The following VAV2 variants were observed in gnomAD, a reference collection of about 807,000 sequenced individuals.
VAV2 encodes the protein guanine nucleotide exchange factor VAV2.
Under a neutral mutation model 132.5 loss-of-function variants are expected in VAV2, and 67 were observed. That is an observed-to-expected ratio of 0.51 (90% CI 0.42 to 0.62). VAV2 has a LOEUF of 0.62. Ranked by LOEUF, VAV2 falls within the 20% of genes least tolerant of loss-of-function variation. The pLI, the probability that VAV2 is intolerant of heterozygous loss-of-function variation, is 0.00. For synonymous variants in VAV2, 492 were observed against 443.5 expected (o/e 1.11, Z -1.37); for missense variants, 938 against 1,153.6 (o/e 0.81, Z 2.71).
intron 2 of VAV2, among the ~76,000 whole-genome samples, chr9:133,890,931 G>A (rs1254020389): frequency 6.6e-6 from 1 of 152,158 alleles, no homozygotes; most frequent in Non-Finnish European, 1.5e-5. Context: ...ACCCATCCCT[G>A]CAAACTGGCA....
chr9:133,976,153 C>T (rs955609898), intron 1 of VAV2, among the ~76,000 whole-genome samples: 14 of 151,864 alleles, frequency 9.2e-5, no homozygotes, highest in South Asian at 2.1e-4. Context: ...TTGCAGTGAG[C>T]GGAGATCGCA....
chr9:133,913,369 A>T (rs1839949390), intron 2 of VAV2, among the ~76,000 whole-genome samples: 1 of 152,216 alleles, frequency 6.6e-6, no homozygotes, highest in South Asian at 2.1e-4. Context: ...GGCAGTCAGC[A>T]CAGAAGGGAC....
intron 9 of VAV2, among the ~76,000 whole-genome samples, chr9:133,799,355 T>TG (rs1327267821): frequency 6.6e-6 from 1 of 152,182 alleles, no homozygotes; most frequent in Non-Finnish European, 1.5e-5. Context: ...GTCCAGTGAC[T>TG]GGTACTTCCT....
chr9:133,972,414 C>T (rs1037469050), intron 1 of VAV2, among the ~76,000 whole-genome samples: 1 of 152,242 alleles, frequency 6.6e-6, no homozygotes, highest in Non-Finnish European at 1.5e-5. Flanking sequence ...CAGGAACACA[C>T]TGCGTCATTA....
intron 3 of VAV2, among the ~76,000 whole-genome samples, chr9:133,845,340 C>A (rs1836890846): frequency 6.6e-6 from 1 of 152,236 alleles, no homozygotes; most frequent in Non-Finnish European, 1.5e-5. Context: ...AAAATGCAGA[C>A]CTTCCTCCAG....
At chr9:133,985,924 A>T (rs2132306719) in intron 1 of VAV2, among the ~76,000 whole-genome samples, 1 of 152,298 alleles carries the variant, frequency 6.6e-6, no homozygotes, top group Admixed American at 6.5e-5. Context: ...GAGACATGGC[A>T]GCAAGGGACA....
intron 2 of VAV2, among the ~76,000 whole-genome samples, chr9:133,914,403 G>A (rs942025505): frequency 9.9e-5 from 15 of 151,666 alleles, no homozygotes; most frequent in African/African-American, 2.7e-4. Context: ...TAAACAAAAC[G>A]TGGTCTACCT....
chr9:133,842,293 C>A (rs1836755167), intron 3 of VAV2, among the ~76,000 whole-genome samples: 1 of 152,232 alleles, frequency 6.6e-6, no homozygotes, highest in African/African-American at 2.4e-5. Context: ...ACGGTGACTG[C>A]CAAGGACCGT....
At chr9:133,842,393 C>T (rs1016528859) in intron 3 of VAV2, among the ~76,000 whole-genome samples, 6 of 152,244 alleles carry the variant, frequency 3.9e-5, no homozygotes, top group African/African-American at 1.4e-4. Flanking sequence ...GGCAGAGCCT[C>T]GAGTTACATC....
rs369152713 is a variant in VAV2 at position 133,959,123 on chromosome 9, T to C, written c.205-19904A>G. ...GGGTTCCTGACTGAGCTCTCCTCCA[T>C]GCTGACAGCTACTGAAAATGGCAAA... On this transcript the variant is annotated intron_variant, in intron 1 of 29. Transcript: ENST00000371850. 6.6e-5 allele frequency among the ~76,000 whole-genome samples: 10 copies of C among 152,284 alleles called. No individual in the cohort carries two copies. In the East Asian group the frequency reaches 1.9e-3, roughly 29 times the overall value.
At chr9:133,960,029 C>T (rs541821554) in intron 1 of VAV2, among the ~76,000 whole-genome samples, 2 of 152,334 alleles carry the variant, frequency 1.3e-5, no homozygotes, top group East Asian at 3.9e-4. Flanking sequence ...GAGCCGGGAA[C>T]ACGGGTGCCC....
At position 133,807,208 on chromosome 9, in the gene VAV2, C is replaced by T. The variant is rs55833003; in HGVS notation, c.735+50G>A. 9,411 of 1,579,866 alleles carry T rather than the reference C, an allele frequency of 6.0e-3. 460 individuals carry two copies. The African/African-American group carries it at 0.11, about 18-fold the overall frequency. On this transcript the variant is annotated intron_variant, in intron 8 of 29. Transcript: ENST00000371850. ...ACAGCAGGACATGTGTGGCCAGTGCCGAGTTAGGGCCCCGAGCCTGGCATG... is the reference window on the plus strand; with the variant it reads ...ACAGCAGGACATGTGTGGCCAGTGCTGAGTTAGGGCCCCGAGCCTGGCATG...
chr9:133,982,049 CG>C (rs1842710802), intron 1 of VAV2, among the ~76,000 whole-genome samples: 1 of 152,210 alleles, frequency 6.6e-6, no homozygotes, highest in Non-Finnish European at 1.5e-5. Flanking sequence ...GGGGAAAGCC[CG>C]GGGGACCAAG....
chr9:133,915,415 T>G (rs974878992), intron 2 of VAV2, among the ~76,000 whole-genome samples: 43 of 152,308 alleles, frequency 2.8e-4, no homozygotes, highest in Admixed American at 2.3e-3. Context: ...CCAGCTGACT[T>G]TCTCCCAAGG....
chr9:133,954,263 C>T (rs1461660477), intron 1 of VAV2, among the ~76,000 whole-genome samples: 1 of 152,206 alleles, frequency 6.6e-6, no homozygotes, highest in Non-Finnish European at 1.5e-5. Context: ...TGTCCATCTG[C>T]CCATCTGTCC....
chr9:133,831,487 G>C (rs1329384616), intron 4 of VAV2, among the ~76,000 whole-genome samples: 1 of 152,040 alleles, frequency 6.6e-6, no homozygotes, highest in African/African-American at 2.4e-5. Flanking sequence ...CTGGGATCTA[G>C]CCTGACTCTC....
At position 133,879,199 on chromosome 9, in the gene VAV2, G is replaced by A. The variant is rs1838389710; in HGVS notation, c.322-17767C>T. Among the ~76,000 whole-genome samples the A allele has an allele frequency of 1.3e-5, 2 of 152,200 alleles. No individual in the cohort carries two copies. The highest frequency in any genetic ancestry group is 2.4e-5 in the African/African-American group (1 of 41,446). ...TGCGCCCCAGGCCCTCCTCTGTAACGAGGCCCTCTGGGGGCTCTTGCTTCC... is the reference window on the plus strand; with the variant it reads ...TGCGCCCCAGGCCCTCCTCTGTAACAAGGCCCTCTGGGGGCTCTTGCTTCC... On this transcript the variant is annotated intron_variant, in intron 2 of 29. Coordinates refer to ENST00000371850, the MANE Select transcript of VAV2 (RefSeq NM_001134398.2). This position sits in a 1 kb window ranked among gnomAD's most constrained non-coding sequence, Gnocchi z 4.4.
chr9:133,901,298 C>T (rs1839432372), intron 2 of VAV2, among the ~76,000 whole-genome samples: 1 of 152,218 alleles, frequency 6.6e-6, no homozygotes, highest in Non-Finnish European at 1.5e-5. Flanking sequence ...CCCCACGGGT[C>T]TCCTCAGATC....
intron 25 of VAV2, among the ~76,000 whole-genome samples, chr9:133,773,734 C>A (rs1833717390): frequency 1.3e-5 from 2 of 152,162 alleles, no homozygotes; most frequent in South Asian, 2.1e-4. Flanking sequence ...GGCTGTTTTA[C>A]AATTAAGTAT....
Sources: gnomAD v4.1 joint callset for allele counts (sites outside exome capture counted in the v4.1 genomes callset) on GRCh38, gnomAD v4.1.1 for gene constraint, Gnocchi (gnomAD v3.1) non-coding constraint, MANE v1.5 for transcripts, NCBI Gene and HGNC (gene_info 2026-07-23, HGNC 2026-07-21) for gene names.